TMEM132D: variants seen among roughly 807,000 people sequenced by gnomAD.
TMEM132D encodes the protein mature OL transmembrane protein.
In TMEM132D, 21 loss-of-function variants were observed where a neutral mutation model predicts 62.3. The ratio of observed to expected loss-of-function variants is 0.34; its 90% confidence interval spans 0.24 to 0.49. The LOEUF is 0.49. TMEM132D is among the 20% of genes least tolerant of loss of function. The pLI, the probability that TMEM132D is intolerant of heterozygous loss-of-function variation, is 0.99. For missense variants in TMEM132D, 1,346 were observed against 1,402.8 expected (o/e 0.96, Z 0.65); for synonymous variants, 621 against 575.6 (o/e 1.08, Z -1.13).
chr12:129,346,230 G>T (rs1404199028), intron 3 of TMEM132D, among the ~76,000 whole-genome samples: 1 of 152,172 alleles, frequency 6.6e-6, no homozygotes, highest in Non-Finnish European at 1.5e-5. Flanking sequence ...TTTCCTGGAG[G>T]TGTTTGTAGT....
chr12:129,192,952 C>T (rs1373934405), intron 5 of TMEM132D, among the ~76,000 whole-genome samples: 7 of 152,196 alleles, frequency 4.6e-5, no homozygotes, highest in East Asian at 3.9e-4. Context: ...GGGCGGATCA[C>T]GAGGTCAGGA....
At chr12:129,829,203 T>A (rs964263870) in intron 1 of TMEM132D, among the ~76,000 whole-genome samples, 3 of 151,764 alleles carry the variant, frequency 2.0e-5, no homozygotes, top group Non-Finnish European at 4.4e-5. Context: ...ACAATGAGAA[T>A]CAGAAAATGA....
chr12:129,144,539 C>T (rs546053657), intron 5 of TMEM132D, among the ~76,000 whole-genome samples: 11 of 152,240 alleles, frequency 7.2e-5, no homozygotes, highest in East Asian at 3.9e-4. Flanking sequence ...CCCTAGCTTA[C>T]GGCTAGACAT....
In TMEM132D at chr12:129,431,564, A is replaced by G. The variant is rs540542516; in HGVS notation, c.1116-93747T>C. On this transcript the variant is annotated intron_variant, in intron 3 of 8. Coordinates refer to ENST00000422113, the MANE Select transcript of TMEM132D (RefSeq NM_133448.3). Reference sequence around the variant, plus strand: ...CTAACCACATCACACCAGCGTTATCACTCCTGCCCTGGTGCAAGCCAAGGT... The same window carrying G: ...CTAACCACATCACACCAGCGTTATCGCTCCTGCCCTGGTGCAAGCCAAGGT... 1.2e-4 allele frequency among the ~76,000 whole-genome samples: 18 copies of G among 151,948 alleles called. No homozygotes were observed. In the South Asian group the frequency reaches 3.3e-3, roughly 28 times the overall value.
At chr12:129,602,852 G>A (rs1399109481) in intron 2 of TMEM132D, among the ~76,000 whole-genome samples, 1 of 152,124 alleles carries the variant, frequency 6.6e-6, no homozygotes, top group Non-Finnish European at 1.5e-5. Flanking sequence ...TGCAGGGTTG[G>A]GTAGGCCTCA....
intron 2 of TMEM132D, among the ~76,000 whole-genome samples, chr12:129,558,127 G>C (rs1877113297): frequency 6.6e-6 from 1 of 152,136 alleles, no homozygotes; most frequent in South Asian, 2.1e-4. Context: ...GCTCAAATTT[G>C]ATGTTTATAG....
At chr12:129,383,496 C>T (rs1453487410) in intron 3 of TMEM132D, among the ~76,000 whole-genome samples, 2 of 152,186 alleles carry the variant, frequency 1.3e-5, no homozygotes, top group African/African-American at 4.8e-5. Context: ...GTTGCCCAGG[C>T]TGGCATGGAG....
chr12:129,319,124 T>C (rs1296690876), intron 4 of TMEM132D, among the ~76,000 whole-genome samples: 2 of 152,190 alleles, frequency 1.3e-5, no homozygotes, highest in Non-Finnish European at 2.9e-5. Flanking sequence ...CCAGGAGGCT[T>C]CTCGCCCCAT....
chr12:129,193,390 A>C (rs1878463253), intron 5 of TMEM132D, among the ~76,000 whole-genome samples: 1 of 152,008 alleles, frequency 6.6e-6, no homozygotes, highest in Admixed American at 6.5e-5. Flanking sequence ...GCAGAAATGG[A>C]GGCAAATCAG....
intron 1 of TMEM132D, among the ~76,000 whole-genome samples, chr12:129,701,784 G>C (rs540484904): frequency 1.3e-5 from 2 of 152,238 alleles, no homozygotes; most frequent in East Asian, 3.9e-4. Flanking sequence ...AGCCCTTCTC[G>C]TCAGTCACCA....
chr12:129,776,771 T>A (rs1200169987), intron 1 of TMEM132D, among the ~76,000 whole-genome samples: 2 of 149,774 alleles, frequency 1.3e-5, no homozygotes, highest in Admixed American at 1.3e-4. Context: ...GTAGCTACAT[T>A]TTTAAATAAT....
At chr12:129,797,598 G>C (rs971415530) in intron 1 of TMEM132D, among the ~76,000 whole-genome samples, 1 of 152,176 alleles carries the variant, frequency 6.6e-6, no homozygotes, top group African/African-American at 2.4e-5. Context: ...ACTTACATGA[G>C]AGACCCTGTG....
chr12:129,464,704 C>G (rs1386933841), intron 3 of TMEM132D, among the ~76,000 whole-genome samples: 1 of 152,098 alleles, frequency 6.6e-6, no homozygotes, highest in African/African-American at 2.4e-5. Flanking sequence ...AGCCAGTTTT[C>G]CCAGCACCAT....
At chr12:129,289,426 C>A (rs1043439091) in intron 4 of TMEM132D, among the ~76,000 whole-genome samples, 13 of 151,452 alleles carry the variant, frequency 8.6e-5, no homozygotes, top group African/African-American at 3.2e-4. Flanking sequence ...CGCCTGTAAT[C>A]CCAGCTACAC....
chr12:129,130,906 G>A (rs1876356399), intron 5 of TMEM132D, among the ~76,000 whole-genome samples: 1 of 152,156 alleles, frequency 6.6e-6, no homozygotes, highest in Non-Finnish European at 1.5e-5. Flanking sequence ...TCACCCATTG[G>A]GATTGTCTGG....
intron 3 of TMEM132D, among the ~76,000 whole-genome samples, chr12:129,382,548 C>G (rs1870980904): frequency 6.6e-6 from 1 of 152,178 alleles, no homozygotes; most frequent in East Asian, 1.9e-4. Context: ...CATTTGATAA[C>G]AGACACCATA....
chr12:129,515,938 T>C (rs1296957392), intron 3 of TMEM132D, among the ~76,000 whole-genome samples: 1 of 152,212 alleles, frequency 6.6e-6, no homozygotes, highest in Non-Finnish European at 1.5e-5. Context: ...TCTGTCTTTT[T>C]TCATAGGGGT....
At chr12:129,886,366 G>A (rs1052613497) in intron 1 of TMEM132D, among the ~76,000 whole-genome samples, 4 of 152,132 alleles carry the variant, frequency 2.6e-5, no homozygotes, top group Non-Finnish European at 5.9e-5. Context: ...CTGTGTGTGA[G>A]AGAGAGAAGA....
At chr12:129,488,571 G>A (rs1874659300) in intron 3 of TMEM132D, among the ~76,000 whole-genome samples, 1 of 152,122 alleles carries the variant, frequency 6.6e-6, no homozygotes, top group African/African-American at 2.4e-5. Flanking sequence ...CTACTTGGAA[G>A]GCTGAGGCAT....
Sources: gnomAD v4.1 joint callset for allele counts (sites outside exome capture counted in the v4.1 genomes callset) on GRCh38, gnomAD v4.1.1 for gene constraint, MANE v1.5 for transcripts, NCBI Gene and HGNC (gene_info 2026-07-23, HGNC 2026-07-21) for gene names.